The following LMNB1 variants were observed in gnomAD, a reference collection of about 807,000 sequenced individuals.
LMNB1 encodes the protein lamin-B1.
LMNB1 carries 23 observed loss-of-function variants against 67.1 expected under a neutral mutation model. That is an observed-to-expected ratio of 0.34 (90% CI 0.25 to 0.49). The LOEUF is 0.49. LMNB1 is among the 20% of genes least tolerant of loss of function. The pLI is 0.99. For synonymous variants in LMNB1, 281 were observed against 282.9 expected (o/e 0.99, Z 0.07); for missense variants, 634 against 746.5 (o/e 0.85, Z 1.76).
At chr5:126,820,579 G>A (rs941964551) in intron 6 of LMNB1, among the ~76,000 whole-genome samples, 2 of 152,096 alleles carry the variant, frequency 1.3e-5, no homozygotes, top group African/African-American at 4.8e-5. Context: ...AGGCTAGAGT[G>A]CAGTGGTGTG....
At chr5:126,831,141 A>T (rs745922745) in intron 9 of LMNB1, among the ~76,000 whole-genome samples, 28 of 152,212 alleles carry the variant, frequency 1.8e-4, no homozygotes, top group Non-Finnish European at 2.9e-4. Flanking sequence ...CATTTCTGTG[A>T]CACTGGGTTT....
At chr5:126,796,931 G>C (rs1271385600) in intron 1 of LMNB1, among the ~76,000 whole-genome samples, 1 of 151,962 alleles carries the variant, frequency 6.6e-6, no homozygotes, top group Non-Finnish European at 1.5e-5. Context: ...TGGGATTATA[G>C]GCATGGACCA....
chr5:126,829,643 T>C (rs1752080917), intron 9 of LMNB1, among the ~76,000 whole-genome samples: 1 of 151,768 alleles, frequency 6.6e-6, no homozygotes, highest in Non-Finnish European at 1.5e-5. Context: ...TAATCTGATA[T>C]TGAGTGTTTG....
At chr5:126,830,358 A>G (rs1197971805) in intron 9 of LMNB1, among the ~76,000 whole-genome samples, 1 of 152,250 alleles carries the variant, frequency 6.6e-6, no homozygotes, top group Non-Finnish European at 1.5e-5. Flanking sequence ...TGAACCTTTC[A>G]GGACACTTGG....
At chr5:126,801,006 T>G in intron 1 of LMNB1, among the ~76,000 whole-genome samples, 1 of 124,346 alleles carries the variant, frequency 8.0e-6, no homozygotes, top group African/African-American at 3.1e-5. Context: ...TTTTTGGTGG[T>G]AGGGTCTCAC....
At chr5:126,800,579 T>C (rs1038278466) in intron 1 of LMNB1, among the ~76,000 whole-genome samples, 2 of 151,062 alleles carry the variant, frequency 1.3e-5, no homozygotes, top group Non-Finnish European at 2.9e-5. Context: ...TTTCAAACTG[T>C]TTTGCAGAAA....
rs556750549 is a variant in LMNB1, at chr5:126,813,009, G to A, written c.939+1111G>A. Among the ~76,000 whole-genome samples, 8 of 152,272 alleles carry A rather than the reference G, an allele frequency of 5.3e-5. No individual in the cohort carries two copies. The South Asian group carries it at 1.4e-3, about 28-fold the overall frequency. Reference sequence around the variant, plus strand: ...TTCCCAGAGTGCTGGGATTACAGGCGTGAGCCACCGTGCCCAGCCTATTTT... The same window carrying A: ...TTCCCAGAGTGCTGGGATTACAGGCATGAGCCACCGTGCCCAGCCTATTTT... On this transcript the variant is annotated intron_variant, in intron 5 of 10. Transcript: ENST00000261366.
chr5:126,829,146 T>G (rs1312678831), intron 9 of LMNB1, among the ~76,000 whole-genome samples: 2 of 152,170 alleles, frequency 1.3e-5, no homozygotes, highest in African/African-American at 4.8e-5. Flanking sequence ...GTTTTTTTTT[T>G]TCTTCTTGCT....
intron 1 of LMNB1, among the ~76,000 whole-genome samples, chr5:126,803,044 G>T (rs1013134232): frequency 5.3e-5 from 8 of 151,432 alleles, no homozygotes; most frequent in African/African-American, 1.9e-4. Context: ...AAATTATCTC[G>T]GCCTAGTACC....
intron 1 of LMNB1, among the ~76,000 whole-genome samples, chr5:126,801,140 C>T (rs954443105): frequency 2.0e-5 from 3 of 150,420 alleles, no homozygotes; most frequent in African/African-American, 4.9e-5. Flanking sequence ...TGTGCCACCA[C>T]GCCTGGCTAA....
Position 126,790,325 on chromosome 5 carries a change from C to G in LMNB1, c.359+12458C>G, listed in dbSNP as rs1040005773. ...TTTGCCATGTTGGCCAGGCTGGTCT[C>G]GAACTCCTGACCTCAGGTGATCTGC... On this transcript the variant is annotated intron_variant, in intron 1 of 10. Transcript: ENST00000261366. Among the ~76,000 whole-genome samples the G allele has an allele frequency of 3.9e-5, 6 of 151,994 alleles. No individual in the cohort carries two copies. The East Asian group carries it at 1.2e-3, about 29-fold the overall frequency.
At chr5:126,831,055 AT>A (rs1752118805) in intron 9 of LMNB1, among the ~76,000 whole-genome samples, 1 of 152,228 alleles carries the variant, frequency 6.6e-6, no homozygotes, top group South Asian at 2.1e-4. Flanking sequence ...GTAATAAAAA[AT>A]CCCCACAAAA....
At chr5:126,801,428 C>T (rs1188574315) in intron 1 of LMNB1, among the ~76,000 whole-genome samples, 1 of 152,142 alleles carries the variant, frequency 6.6e-6, no homozygotes, top group Non-Finnish European at 1.5e-5. Context: ...ATACTCTCTT[C>T]ATCCCCTGTC....
At chr5:126,827,575 T>C (rs895982012) in intron 9 of LMNB1, among the ~76,000 whole-genome samples, 4 of 152,032 alleles carry the variant, frequency 2.6e-5, no homozygotes, top group African/African-American at 4.8e-5. Context: ...GCAGGAGAAT[T>C]GCTTGAACTC....
At chr5:126,795,301 C>A (rs2112939958) in intron 1 of LMNB1, among the ~76,000 whole-genome samples, 1 of 152,142 alleles carries the variant, frequency 6.6e-6, no homozygotes, top group East Asian at 1.9e-4. Flanking sequence ...CTACTCCCAG[C>A]TAATTTTTGT....
intron 8 of LMNB1, among the ~76,000 whole-genome samples, chr5:126,824,305 A>G (rs1441889480): frequency 1.3e-5 from 2 of 152,258 alleles, no homozygotes; most frequent in African/African-American, 2.4e-5. Flanking sequence ...CATGAATTTT[A>G]GAACTATATT....
chr5:126,803,773 A>T (rs1171276009), intron 1 of LMNB1, among the ~76,000 whole-genome samples: 1 of 151,060 alleles, frequency 6.6e-6, no homozygotes, highest in Non-Finnish European at 1.5e-5. Flanking sequence ...CTGGTCTCGA[A>T]CTCCTGACCT....
chr5:126,815,340 G>A (rs1161530098), intron 5 of LMNB1: 3 of 152,206 alleles, frequency 2.0e-5, no homozygotes, highest in South Asian at 2.1e-4. Context: ...ATAGATGGTA[G>A]CAGTGTTATG....
At position 126,818,955 on chromosome 5, in the gene LMNB1, G is replaced by C. The variant is rs1751791904; in HGVS notation, c.973G>C (p.Glu325Gln). The C allele has an allele frequency of 1.2e-6, 2 of 1,614,070 alleles. No individual in the cohort carries two copies. The highest frequency in any genetic ancestry group is 1.3e-5 in the African/African-American group (1 of 75,040). ...ATGTTTGGAAAGGATTCAAGAATTA[G>C]AGGACTTGCTTGCTAAAGAAAAAGA... ...RACLERIQEL[E>Q]DLLAKEKDNS... Residue 325 changes from glutamate to glutamine, a missense_variant, in exon 6 of 11, where the codon GAG (glutamate) becomes CAG (glutamine). By Grantham distance (29) the Glu-to-Gln change is conservative. Coordinates refer to ENST00000261366, the MANE Select transcript of LMNB1 (RefSeq NM_005573.4).
Sources: gnomAD v4.1 joint callset for allele counts (sites outside exome capture counted in the v4.1 genomes callset) on GRCh38, gnomAD v4.1.1 for gene constraint, MANE v1.5 for transcripts, NCBI Gene and HGNC (gene_info 2026-07-23, HGNC 2026-07-21) for gene names.